ZNF469: variants seen among roughly 807,000 people sequenced by gnomAD.
ZNF469 encodes zinc finger protein 469.
Under a neutral mutation model 1.0 loss-of-function variants are expected in ZNF469, and 1 was observed. That is an observed-to-expected ratio of 1.00 (90% confidence interval 0.35 to 4.73). The LOEUF is 4.73. ZNF469 is among the 30% of genes most tolerant of loss of function. The pLI, the probability that ZNF469 is intolerant of heterozygous loss-of-function variation, is 0.16. For synonymous variants in ZNF469, 2,703 were observed against 2,363.4 expected (o/e 1.14, Z -4.17); for missense variants, 6,100 against 5,356.3 (o/e 1.14, Z -4.33).
the ZNF469 span, among the ~76,000 whole-genome samples, chr16:88,293,205 G>A: frequency 6.6e-6 from 1 of 151,824 alleles, no homozygotes; most frequent in South Asian, 2.1e-4. Flanking sequence ...TGAATGGATG[G>A]GTAGATGGAT....
the ZNF469 span, among the ~76,000 whole-genome samples, chr16:88,277,443 T>C: frequency 7.3e-6 from 1 of 136,692 alleles, no homozygotes; most frequent in African/African-American, 2.9e-5. Context: ...TGCACCACAC[T>C]GACGCTTGGT....
chr16:88,432,855 T>C lies in ZNF469; in HGVS notation c.5385T>C (p.Ala1795=). The change falls in exon 3 of 3, where the codon GCT becomes GCC. Residue 1795 remains alanine, a synonymous_variant. Transcript: ENST00000565624. ...QPHRGAPAPE[A]FGSPAVHLAP... ...ACCGAGGGGCCCCTGCTCCAGAAGC[T>C]TTTGGCAGCCCTGCTGTCCATCTGG... 2 of 1,550,076 alleles carry C rather than the reference T, an allele frequency of 1.3e-6. No homozygotes were observed. The highest frequency in any genetic ancestry group is 1.7e-6 in the Non-Finnish European group (2 of 1,146,896).
At chr16:88,133,090 C>T in the ZNF469 span, among the ~76,000 whole-genome samples, 1 of 152,228 alleles carries the variant, frequency 6.6e-6, no homozygotes, top group Non-Finnish European at 1.5e-5. Flanking sequence ...TCTTGTGCAC[C>T]GTAGCTTTGC....
chr16:88,104,692 A>G, the ZNF469 span, among the ~76,000 whole-genome samples: 5 of 152,350 alleles, frequency 3.3e-5, no homozygotes, highest in South Asian at 1.0e-3. Flanking sequence ...ATTCCTAAAG[A>G]AAGGTTAGAA....
At chr16:88,170,946 G>A in the ZNF469 span, among the ~76,000 whole-genome samples, 52 of 152,290 alleles carry the variant, frequency 3.4e-4, no homozygotes, top group African/African-American at 1.1e-3. The surrounding 1 kb of genome is among the most constrained non-coding windows in gnomAD (Gnocchi z 4.2). Flanking sequence ...TCCCCGGGCT[G>A]CCACGAAGGC....
the ZNF469 span, among the ~76,000 whole-genome samples, chr16:88,149,588 T>C: frequency 1.3e-5 from 2 of 152,066 alleles, no homozygotes; most frequent in Admixed American, 1.3e-4. Flanking sequence ...TTGCACTCAG[T>C]CCAAAAGTAG....
chr16:88,319,725 A>AAT, the ZNF469 span, among the ~76,000 whole-genome samples: 1 of 152,174 alleles, frequency 6.6e-6, no homozygotes, highest in East Asian at 1.9e-4. Context: ...CTGCAGGGAG[A>AAT]ATAACAGGAC....
intron 2 of ZNF469, among the ~76,000 whole-genome samples, chr16:88,426,344 G>A (rs1905699538): frequency 6.6e-6 from 1 of 152,258 alleles, no homozygotes; most frequent in Admixed American, 6.5e-5. Flanking sequence ...GCTGTGTAAA[G>A]GACGCCCGGT....
At chr16:88,215,383 A>ATTTTTTTTTTTTT in the ZNF469 span, among the ~76,000 whole-genome samples, 2 of 94,186 alleles carry the variant, frequency 2.1e-5, no homozygotes, top group African/African-American at 4.4e-5. Context: ...TTGCCTTTTA[A>ATTTTTTTTTTTTT]TTTTTTTTTT....
chr16:88,402,727 G>A (rs935528805), intron 1 of ZNF469, among the ~76,000 whole-genome samples: 1 of 152,152 alleles, frequency 6.6e-6, no homozygotes, highest in African/African-American at 2.4e-5. Flanking sequence ...ATGGGGCCCG[G>A]CCCCCGCCTG....
rs966344183 is a variant in ZNF469 at position 88,402,786 on chromosome 16, C to T, written c.-192+19532C>T. The stretch of plus-strand genomic sequence containing the variant: ...TCCAGGGCCTCTGATGAGCTGGGTT[C>T]ATCTCCCACTGAACTCCCTTATGCA... On this transcript the variant is annotated intron_variant, in intron 1 of 2. Coordinates refer to ENST00000565624, the MANE Select transcript of ZNF469 (RefSeq NM_001367624.2). 3.9e-5 allele frequency among the ~76,000 whole-genome samples: 6 copies of T among 152,200 alleles called. No individual in the cohort carries two copies. The South Asian group carries it at 1.2e-3, about 32-fold the overall frequency.
chr16:88,203,080 A>C, the ZNF469 span, among the ~76,000 whole-genome samples: 3 of 152,020 alleles, frequency 2.0e-5, no homozygotes, highest in Non-Finnish European at 2.9e-5. Flanking sequence ...TGAAAAGAAG[A>C]AGCTCAGAGC....
chr16:88,338,878 A>G, the ZNF469 span, among the ~76,000 whole-genome samples: 1 of 152,162 alleles, frequency 6.6e-6, no homozygotes, highest in African/African-American at 2.4e-5. Flanking sequence ...CCTCAGGAGG[A>G]GCGTGGCCCT....
chr16:88,427,143 T>C (rs964205721), intron 2 of ZNF469, among the ~76,000 whole-genome samples: 2 of 152,046 alleles, frequency 1.3e-5, no homozygotes, highest in African/African-American at 2.4e-5. Context: ...CTGTTCCATC[T>C]GGCGGGATGC....
the ZNF469 span, among the ~76,000 whole-genome samples, chr16:88,129,839 C>G: frequency 6.6e-6 from 1 of 152,310 alleles, no homozygotes; most frequent in Non-Finnish European, 1.5e-5. Context: ...GCAGCCTGGG[C>G]CACAGAGCGA....
the ZNF469 span, among the ~76,000 whole-genome samples, chr16:88,175,108 G>A: frequency 3.6e-4 from 55 of 152,280 alleles, no homozygotes; most frequent in African/African-American, 1.3e-3. Flanking sequence ...AAGATCTTCC[G>A]ACTGATTCAG....
At chr16:88,323,357 A>G in the ZNF469 span, among the ~76,000 whole-genome samples, 1 of 152,230 alleles carries the variant, frequency 6.6e-6, no homozygotes, top group Non-Finnish European at 1.5e-5. Flanking sequence ...TGACAGGGCC[A>G]CATACAGCTG....
chr16:88,229,648 G>C, the ZNF469 span, among the ~76,000 whole-genome samples: 47 of 59,350 alleles, frequency 7.9e-4, no homozygotes, highest in African/African-American at 2.1e-3. Context: ...TGTGTGTGCT[G>C]ATGTCACGCG....
At chr16:88,289,423 A>G in the ZNF469 span, among the ~76,000 whole-genome samples, 1 of 142,286 alleles carries the variant, frequency 7.0e-6, no homozygotes, top group East Asian at 2.0e-4. Flanking sequence ...GATGATTATT[A>G]TGACAAGGGT....
Sources: gnomAD v4.1 joint callset for allele counts (sites outside exome capture counted in the v4.1 genomes callset) on GRCh38, gnomAD v4.1.1 for gene constraint, Gnocchi (gnomAD v3.1) non-coding constraint, MANE v1.5 for transcripts, NCBI Gene and HGNC (gene_info 2026-07-23, HGNC 2026-07-21) for gene names.